The following ANXA8 variants were observed in gnomAD, a reference collection of about 807,000 sequenced individuals.
ANXA8 encodes the protein annexin A8.
In ANXA8, 9 loss-of-function variants were observed where a neutral mutation model predicts 26.8. The observed-to-expected ratio is 0.34, with a 90% CI of 0.20 to 0.59. ANXA8 has a LOEUF of 0.59. Ranked by LOEUF, ANXA8 falls within the 20% of genes least tolerant of loss-of-function variation. ANXA8 has a pLI of 0.84. For synonymous variants in ANXA8, 39 were observed against 94.8 expected (o/e 0.41, Z 3.42); for missense variants, 83 against 238.5 (o/e 0.35, Z 4.29).
At chr10:47,974,026 C>T in the ANXA8 span, among the ~76,000 whole-genome samples, 1 of 150,682 alleles carries the variant, frequency 6.6e-6, no homozygotes, top group Admixed American at 6.7e-5. Flanking sequence ...GGAATTTATC[C>T]ATTTCCTCTA....
At chr10:47,982,814 A>ATATATATATATATG in the ANXA8 span, among the ~76,000 whole-genome samples, 10 of 60,126 alleles carry the variant, frequency 1.7e-4, 1 homozygote, top group African/African-American at 6.0e-4. Flanking sequence ...ATATATATAT[A>ATATATATATATATG]TATATATATA....
upstream of ANXA8, among the ~76,000 whole-genome samples, chr10:47,488,431 G>A (rs1420043272): frequency 2.1e-5 from 3 of 145,220 alleles, no homozygotes; most frequent in East Asian, 2.1e-4. Flanking sequence ...GGCTGGTCTC[G>A]AACTCCTGAC....
the ANXA8 span, chr10:47,502,322 C>T: frequency 6.2e-7 from 1 of 1,603,204 alleles, no homozygotes; most frequent in Non-Finnish European, 8.5e-7. Context: ...AGCAGGATGG[C>T]TGTCTGCAGG....
chr10:47,986,229 G>A, the ANXA8 span: 1 of 152,584 alleles, frequency 6.6e-6, no homozygotes, highest in Admixed American at 6.5e-5. Context: ...TACATGAGGT[G>A]GGCTTGTTTG....
intron 11 of ANXA8, among the ~76,000 whole-genome samples, chr10:47,469,614 G>A (rs1186370646): frequency 2.0e-5 from 3 of 151,718 alleles, no homozygotes; most frequent in East Asian, 1.9e-4. Flanking sequence ...TGGCTAGTCC[G>A]GGGTCTGCAT....
the ANXA8 span, among the ~76,000 whole-genome samples, chr10:47,989,014 G>T: frequency 6.6e-6 from 1 of 150,550 alleles, no homozygotes; most frequent in Admixed American, 6.6e-5. Context: ...ACCTGGGCCA[G>T]GTGCTTTAGA....
At chr10:47,717,779 T>C in the ANXA8 span, among the ~76,000 whole-genome samples, 1 of 151,114 alleles carries the variant, frequency 6.6e-6, no homozygotes, top group East Asian at 2.0e-4. Context: ...GGGTGGATCA[T>C]TTGAGGTCAG....
At chr10:47,622,863 G>A in the ANXA8 span, among the ~76,000 whole-genome samples, 4 of 113,056 alleles carry the variant, frequency 3.5e-5, no homozygotes, top group East Asian at 8.7e-4. Context: ...GTCAAGGAAA[G>A]AATCATTCTG....
the ANXA8 span, among the ~76,000 whole-genome samples, chr10:47,670,355 T>A: frequency 1.3e-5 from 2 of 151,974 alleles, no homozygotes; most frequent in South Asian, 4.1e-4. Context: ...AACATTTGTT[T>A]TTATTCTTTT....
the ANXA8 span, chr10:47,503,279 T>G: frequency 6.3e-7 from 1 of 1,576,910 alleles, no homozygotes; most frequent in Non-Finnish European, 8.6e-7. Flanking sequence ...CCCTGTTTAA[T>G]GGGGATGGCT....
At chr10:47,583,793 C>T in the ANXA8 span, among the ~76,000 whole-genome samples, 2 of 144,264 alleles carry the variant, frequency 1.4e-5, no homozygotes, top group African/African-American at 5.5e-5. Flanking sequence ...GGACTGTAAT[C>T]CAGTGGTTCC....
At chr10:47,683,223 A>ATTTTTTTTTTTT in the ANXA8 span, among the ~76,000 whole-genome samples, 1 of 110,628 alleles carries the variant, frequency 9.0e-6, no homozygotes, top group Non-Finnish European at 1.8e-5. Context: ...GCATTTACTA[A>ATTTTTTTTTTTT]TTTTTTTTTT....
chr10:47,620,722 A>T, the ANXA8 span, among the ~76,000 whole-genome samples: 1 of 108,732 alleles, frequency 9.2e-6, no homozygotes, highest in Admixed American at 9.7e-5. Context: ...TAACTGGAAC[A>T]TGTATTATTT....
the ANXA8 span, among the ~76,000 whole-genome samples, chr10:47,716,009 G>A: frequency 1.5e-4 from 22 of 149,156 alleles, no homozygotes; most frequent in African/African-American, 4.3e-4. Context: ...TCAGCCTTTC[G>A]CGTAGCTGAG....
the ANXA8 span, among the ~76,000 whole-genome samples, chr10:47,894,449 C>T: frequency 6.9e-6 from 1 of 145,616 alleles, no homozygotes; most frequent in Non-Finnish European, 1.5e-5. Flanking sequence ...ATACACCACA[C>T]ACACACCACA....
the ANXA8 span, among the ~76,000 whole-genome samples, chr10:47,907,151 C>G: frequency 3.3e-5 from 5 of 151,834 alleles, 1 homozygote; most frequent in African/African-American, 7.3e-5. Flanking sequence ...GTCAGGAGAT[C>G]GAGACCATCC....
chr10:47,734,449 C>A, the ANXA8 span, among the ~76,000 whole-genome samples: 2 of 147,032 alleles, frequency 1.4e-5, no homozygotes. Context: ...GGAGGTGGGA[C>A]TGGTTGGTTG....
chr10:47,674,264 T>G, the ANXA8 span, among the ~76,000 whole-genome samples: 1 of 150,568 alleles, frequency 6.6e-6, no homozygotes, highest in African/African-American at 2.5e-5. Flanking sequence ...CCTGAGTAGC[T>G]GGGACTACAG....
chr10:47,560,207 G>T, the ANXA8 span, among the ~76,000 whole-genome samples: 5 of 151,714 alleles, frequency 3.3e-5, no homozygotes, highest in African/African-American at 1.2e-4. Flanking sequence ...GCTTCTGTTT[G>T]ATTTATGAAT....
Sources: gnomAD v4.1 joint callset for allele counts (sites outside exome capture counted in the v4.1 genomes callset) on GRCh38, gnomAD v4.1.1 for gene constraint, MANE v1.5 for transcripts, NCBI Gene and HGNC (gene_info 2026-07-23, HGNC 2026-07-21) for gene names.